The following UBR3 variants were observed in gnomAD, a reference collection of about 807,000 sequenced individuals.
UBR3 encodes ubiquitin protein ligase E3 component n-recognin 3, also known as E3 ubiquitin-protein ligase UBR3.
A neutral mutation model predicts 243.2 loss-of-function variants in UBR3; 85 were observed. That is an observed-to-expected ratio of 0.35 (90% CI 0.29 to 0.42). UBR3 has a LOEUF of 0.42. Ranked by LOEUF, UBR3 falls within the 10% of genes least tolerant of loss-of-function variation. UBR3 has a pLI of 1.00. For synonymous variants in UBR3, 748 were observed against 799.8 expected, an observed-to-expected ratio of 0.94 and a Z score of 1.09; for missense variants, 1,686 against 2,300.8, an observed-to-expected ratio of 0.73 and a Z score of 5.47.
intron 11 of UBR3, among the ~76,000 whole-genome samples, chr2:169,922,936 A>T (rs569862439): frequency 8.4e-4 from 128 of 152,192 alleles, no homozygotes; most frequent in Non-Finnish European, 1.4e-3. Context: ...CTATAATGTA[A>T]ATTATATACA....
chr2:169,960,235 G>GC (rs1491180474), intron 24 of UBR3, among the ~76,000 whole-genome samples: 2 of 58,064 alleles, frequency 3.4e-5, no homozygotes, highest in African/African-American at 1.4e-4. Flanking sequence ...GGTGACAAGA[G>GC]CAAAAAAAAA....
intron 1 of UBR3, among the ~76,000 whole-genome samples, chr2:169,867,062 A>AT (rs2083287670): frequency 6.6e-6 from 1 of 152,240 alleles, no homozygotes; most frequent in South Asian, 2.1e-4. Flanking sequence ...AATGTATGGC[A>AT]TAACTTATTT....
intron 31 of UBR3, among the ~76,000 whole-genome samples, chr2:170,038,769 A>G (rs1360903972): frequency 3.9e-5 from 6 of 152,160 alleles, no homozygotes; most frequent in African/African-American, 1.4e-4. Flanking sequence ...GACGTAAGAA[A>G]TAAGCCACAT....
At chr2:169,968,298 C>G (rs1350797595) in intron 24 of UBR3, among the ~76,000 whole-genome samples, 1 of 152,090 alleles carries the variant, frequency 6.6e-6, no homozygotes. Flanking sequence ...AAACACTATT[C>G]CTTCTATAAC....
chr2:170,000,460 C>A (rs1326760141), intron 26 of UBR3, among the ~76,000 whole-genome samples: 1 of 152,116 alleles, frequency 6.6e-6, no homozygotes, highest in African/African-American at 2.4e-5. Context: ...GAGACAGAAT[C>A]CATATGATTT....
chr2:170,060,939 C>A (rs2091444081), intron 33 of UBR3, 140 bp from the exon 34 acceptor site: 2 of 552,990 alleles, frequency 3.6e-6, no homozygotes, highest in Non-Finnish European at 5.9e-6. Flanking sequence ...TACAGTTTTA[C>A]CCAAATTTTG....
chr2:169,841,216 A>T (rs73022465), intron 1 of UBR3, among the ~76,000 whole-genome samples: 1 of 151,998 alleles, frequency 6.6e-6, no homozygotes, highest in African/African-American at 2.4e-5. Context: ...TCTTCACCTC[A>T]TTGTCTCTCC....
chr2:170,033,577 A>C (rs1047520755), intron 31 of UBR3, among the ~76,000 whole-genome samples: 771 of 39,220 alleles, frequency 0.02, no homozygotes, highest in African/African-American at 0.038. Context: ...GTTTTTCCAC[A>C]CCCACCCCCC....
At chr2:169,979,399 A>G (rs1198011140) in intron 24 of UBR3, among the ~76,000 whole-genome samples, 1 of 152,208 alleles carries the variant, frequency 6.6e-6, no homozygotes, top group Non-Finnish European at 1.5e-5. Context: ...GCTCTTAGAT[A>G]TTTATTTAAC....
At chr2:170,022,955 C>G (rs1289297007) in intron 30 of UBR3, among the ~76,000 whole-genome samples, 1 of 152,070 alleles carries the variant, frequency 6.6e-6, no homozygotes, top group African/African-American at 2.4e-5. Flanking sequence ...GCTGATTTCT[C>G]AGGGACATAC....
At chr2:169,853,042 T>C (rs2082718402) in intron 1 of UBR3, among the ~76,000 whole-genome samples, 2 of 152,198 alleles carry the variant, frequency 1.3e-5, no homozygotes, top group Admixed American at 6.5e-5. Context: ...TGAATGAATG[T>C]AAATTTTTTA....
intron 5 of UBR3, among the ~76,000 whole-genome samples, chr2:169,886,426 A>T (rs2084103886): frequency 1.3e-5 from 2 of 152,162 alleles, no homozygotes; most frequent in Non-Finnish European, 2.9e-5. Flanking sequence ...GATAGCTCTA[A>T]TTATTAAATT....
intron 5 of UBR3, among the ~76,000 whole-genome samples, chr2:169,889,009 C>T (rs893097188): frequency 5.9e-5 from 9 of 152,068 alleles, no homozygotes; most frequent in African/African-American, 2.2e-4. Flanking sequence ...GGTTAAATTC[C>T]TAGAACTGGA....
At chr2:170,004,437 A>G (rs1373937793) in intron 27 of UBR3, among the ~76,000 whole-genome samples, 2 of 152,190 alleles carry the variant, frequency 1.3e-5, no homozygotes, top group African/African-American at 4.8e-5. Context: ...AGAAGAAAGT[A>G]GCTGGAAGGA....
At position 169,992,409 on chromosome 2, in the gene UBR3, A is replaced by T. The variant is rs528942840; in HGVS notation, c.3785-1914A>T. 2.0e-5 allele frequency among the ~76,000 whole-genome samples: 3 copies of T among 152,328 alleles called. No individual in the cohort carries two copies. In the South Asian group the frequency reaches 6.2e-4, roughly 32 times the overall value. On this transcript the variant is annotated intron_variant, in intron 25 of 38. Transcript: ENST00000272793. ...CTTCCCAACTTATTCAGAGGCTAGC[A>T]TTCTATGAGGCTAGCTTTGATACCA...
At chr2:169,858,209 G>A (rs186448165) in intron 1 of UBR3, among the ~76,000 whole-genome samples, 27 of 152,266 alleles carry the variant, frequency 1.8e-4, no homozygotes, top group South Asian at 4.1e-4. Context: ...CAGAGGCTTG[G>A]TTGGGACTGG....
chr2:170,037,243 GT>G (rs2090855820), intron 31 of UBR3, among the ~76,000 whole-genome samples: 2 of 152,058 alleles, frequency 1.3e-5, no homozygotes, highest in South Asian at 4.1e-4. Flanking sequence ...ATGGTTTATT[GT>G]TTAGGTGATT....
chr2:170,059,218 T>C (rs187886602), intron 33 of UBR3, among the ~76,000 whole-genome samples: 2,314 of 139,722 alleles, frequency 0.017, 27 homozygotes, highest in Non-Finnish European at 0.024. Flanking sequence ...CTTTCTGATA[T>C]GATATAAAAT....
intron 32 of UBR3, among the ~76,000 whole-genome samples, chr2:170,054,549 T>C (rs2091291271): frequency 6.6e-6 from 1 of 152,084 alleles, no homozygotes; most frequent in African/African-American, 2.4e-5. Context: ...CCCAAAGTGC[T>C]GGGATTACAG....
Sources: allele counts gnomAD v4.1 joint callset (sites outside exome capture counted in the v4.1 genomes callset), GRCh38; gene constraint gnomAD v4.1.1; transcripts MANE v1.5; gene names NCBI Gene and HGNC (gene_info 2026-07-23, HGNC 2026-07-21).